RAB2B: variants seen among roughly 807,000 people sequenced by gnomAD.
RAB2B encodes the protein RAB2B, member RAS oncogene family.
In RAB2B, 20 loss-of-function variants were observed where a neutral mutation model predicts 29.8. That is an observed-to-expected ratio of 0.67 (90% CI 0.47 to 0.97). The LOEUF (loss-of-function observed/expected upper bound fraction) is 0.97. RAB2B is among the 50% of genes least tolerant of loss of function. The pLI, the probability that RAB2B is intolerant of heterozygous loss-of-function variation, is 0.00. For missense variants in RAB2B, 218 were observed against 272.0 expected (o/e 0.80, Z 1.40); for synonymous variants, 93 against 91.7 (o/e 1.01, Z -0.08).
intron 5 of RAB2B, among the ~76,000 whole-genome samples, chr14:21,467,016 C>T (rs1223963403): frequency 6.6e-6 from 1 of 152,054 alleles, no homozygotes; most frequent in South Asian, 2.1e-4. Context: ...AAGCAATTCT[C>T]CTGCCTCAAG....
At position 21,460,644 on chromosome 14, in the gene RAB2B, G is replaced by C. The variant is rs146485889; in HGVS notation, c.*552C>G. ...ATTTATTTATTTGAGACAGAGTTTT[G>C]CTCTTGTTGCCCAGGCTGCAGTGCA... On this transcript the variant is annotated 3_prime_UTR_variant, in exon 8 of 8. Coordinates refer to ENST00000397762, the MANE Select transcript of RAB2B (RefSeq NM_032846.4). 6.6e-6 allele frequency: 1 copy of C among 151,300 alleles called. No homozygotes were observed. The highest frequency in any genetic ancestry group is 1.4e-5 in the Non-Finnish European group (1 of 69,272). The allele number at this position is 151,300 out of a possible 1,614,324, so 9.4% of individuals were successfully genotyped here. A position where few individuals can be genotyped will look rare whatever the true frequency, so the allele number is the denominator to read the frequency against.
At chr14:21,470,630 A>G (rs1890786310) in intron 3 of RAB2B, among the ~76,000 whole-genome samples, 1 of 152,152 alleles carries the variant, frequency 6.6e-6, no homozygotes, top group Admixed American at 6.5e-5. Flanking sequence ...TTACAGTTTT[A>G]TATTTACTCC....
At chr14:21,466,554 T>C (rs1890691724) in intron 5 of RAB2B, among the ~76,000 whole-genome samples, 1 of 152,106 alleles carries the variant, frequency 6.6e-6, no homozygotes, top group Non-Finnish European at 1.5e-5. Context: ...AGTTCTCAAA[T>C]AGTACACTCT....
In RAB2B at chr14:21,476,902, C is replaced by T. The variant is rs745852696; in HGVS notation, c.-30G>A. 19 of 1,612,448 alleles carry T rather than the reference C, an allele frequency of 1.2e-5. No homozygotes were observed. Among genetic ancestry groups the T allele is most frequent in the East Asian group, 2.2e-5 (1 of 44,882 alleles). ...TCGCGTCCTCTGGGTTCCGGGTCCG[C>T]CCGACTTCTATAGCCACTTACCTCC... On this transcript the variant is annotated 5_prime_UTR_variant, in exon 1 of 8. Coordinates refer to ENST00000397762, the MANE Select transcript of RAB2B (RefSeq NM_032846.4).
chr14:21,476,432 T>A (rs1890968279), intron 2 of RAB2B, 96 bp downstream of exon 2: 1 of 1,465,382 alleles, frequency 6.8e-7, no homozygotes, highest in East Asian at 2.3e-5. Context: ...GAGGGGTAAC[T>A]TTTTACTTCG....
chr14:21,476,793 C>G, intron 1 of RAB2B, 34 bp downstream of exon 1: 1 of 1,612,342 alleles, frequency 6.2e-7, no homozygotes, highest in Non-Finnish European at 8.5e-7. Flanking sequence ...CGAATGCCCG[C>G]CCGAGCCTTG....
chr14:21,475,447 T>TC (rs1383477357), intron 2 of RAB2B, among the ~76,000 whole-genome samples: 3 of 150,956 alleles, frequency 2.0e-5, no homozygotes, highest in Non-Finnish European at 3.0e-5. Context: ...TTTTTTTTTT[T>TC]TGAGATGGAG....
At chr14:21,472,706 A>G (rs1479255457) in intron 3 of RAB2B, among the ~76,000 whole-genome samples, 3 of 152,136 alleles carry the variant, frequency 2.0e-5, no homozygotes, top group Admixed American at 6.6e-5. Flanking sequence ...ATTCTGTCCA[A>G]AGTCGTGGCT....
chr14:21,459,476 G>A lies in RAB2B; in HGVS notation c.*1720C>T, dbSNP rs1242694819. On this transcript the variant is annotated 3_prime_UTR_variant, in exon 8 of 8. Transcript: ENST00000397762. ...CAGTCAAATTCAATGAACACATAATGAGTAGCACTAGGCACTGTAAAGGAA... is the reference window on the plus strand; with the variant it reads ...CAGTCAAATTCAATGAACACATAATAAGTAGCACTAGGCACTGTAAAGGAA... The A allele has an allele frequency of 6.6e-6, 1 of 152,150 alleles. No homozygotes were observed. The highest frequency in any genetic ancestry group is 1.5e-5 in the Non-Finnish European group (1 of 68,018). The allele number at this position is 152,150 out of a possible 1,614,324, so 9.4% of individuals were successfully genotyped here.
intron 3 of RAB2B, among the ~76,000 whole-genome samples, chr14:21,471,130 G>T (rs906566664): frequency 3.3e-5 from 5 of 151,522 alleles, no homozygotes; most frequent in African/African-American, 1.2e-4. Flanking sequence ...CCAAGATGGC[G>T]CTATTGCACT....
At position 21,460,819 on chromosome 14, in the gene RAB2B, G is replaced by A. The variant is rs1171385902; in HGVS notation, c.*377C>T. ...GTTGAGATGGCATTTCTCCAAGTTG[G>A]TCAGGCTGGTCTCGAACTCTTGACC... On this transcript the variant is annotated 3_prime_UTR_variant, in exon 8 of 8. Coordinates refer to ENST00000397762, the MANE Select transcript of RAB2B (RefSeq NM_032846.4). The A allele has an allele frequency of 6.5e-6, 1 of 154,138 alleles. No homozygotes were observed. Among genetic ancestry groups the A allele is most frequent in the Admixed American group, 6.5e-5 (1 of 15,364 alleles). 9.5% of individuals were successfully genotyped at this position (154,138 alleles called of 1,614,324 possible).
rs201341091 is a variant in RAB2B, at chr14:21,476,799, C to T, written c.46+28G>A. On this transcript the variant is annotated intron_variant, in intron 1 of 7. Coordinates refer to ENST00000397762, the MANE Select transcript of RAB2B (RefSeq NM_032846.4). ...TGGGAGCTTCGAATGCCCGCCCGAG[C>T]CTTGAAGGCGAACCACCTGAGGGTT... 8 of 1,612,372 alleles carry T rather than the reference C, an allele frequency of 5.0e-6. No individual in the cohort carries two copies. The East Asian group carries it at 1.8e-4, about 36-fold the overall frequency.
chr14:21,474,641 ATTT>A lies in RAB2B; in HGVS notation c.186+223_186+225del, dbSNP rs562965093. On this transcript the variant is annotated intron_variant, in intron 3 of 7. Transcript: ENST00000397762. The stretch of plus-strand genomic sequence containing the variant: ...CTATTCTATAAATTTATATTGTTTG[ATTT>A]TATTTTTACTAGAATAAACTATTAC... 763 of 475,924 alleles carry A rather than the reference ATTT, an allele frequency of 1.6e-3. 3 individuals carry two copies. Among genetic ancestry groups the A allele is most frequent in the Admixed American group, 3.0e-3 (79 of 26,696 alleles). 29.5% of individuals were successfully genotyped at this position (475,924 alleles called of 1,614,324 possible). A position where few individuals can be genotyped will look rare whatever the true frequency, so the allele number is the denominator to read the frequency against.
chr14:21,467,143 C>T (rs1006377913), intron 5 of RAB2B, among the ~76,000 whole-genome samples: 4 of 151,410 alleles, frequency 2.6e-5, no homozygotes, highest in East Asian at 3.9e-4. Flanking sequence ...TCCTGACTTT[C>T]TAATCTACCC....
At chr14:21,473,125 A>G (rs1250272711) in intron 3 of RAB2B, among the ~76,000 whole-genome samples, 2 of 152,220 alleles carry the variant, frequency 1.3e-5, no homozygotes, top group Non-Finnish European at 2.9e-5. Flanking sequence ...CTTAAGCTTC[A>G]ACTACTTTTA....
At chr14:21,472,261 T>TAC (rs529908925) in intron 3 of RAB2B, among the ~76,000 whole-genome samples, 296 of 152,058 alleles carry the variant, frequency 1.9e-3, no homozygotes, top group South Asian at 5.6e-3. Context: ...AATACGTGTA[T>TAC]ACACACACAC....
intron 3 of RAB2B, among the ~76,000 whole-genome samples, chr14:21,473,784 G>A (rs995947024): frequency 3.3e-5 from 5 of 151,738 alleles, no homozygotes; most frequent in Non-Finnish European, 5.9e-5. Context: ...AGGCTGAGGC[G>A]GGCGGATCAC....
intron 5 of RAB2B, among the ~76,000 whole-genome samples, chr14:21,467,926 A>C (rs568601505): frequency 6.6e-6 from 1 of 152,372 alleles, no homozygotes; most frequent in African/African-American, 2.4e-5. Flanking sequence ...AACCTCGAAG[A>C]CATTATGCTA....
At position 21,468,730 on chromosome 14, in the gene RAB2B, G is replaced by A; in HGVS notation, c.209C>T (p.Ser70Phe). ...WDTAGQESFR[S>F]ITRSYYRGAA... ...TCCCCTGTAGTAGGAACGGGTGATA[G>A]AACGGAAGGATTCTTGCCCAGCCTT... Residue 70 changes from serine (S) to phenylalanine (F), a missense_variant, in exon 4 of 8, where the codon TCT (serine) becomes TTT (phenylalanine). Physicochemically the swap from Ser to Phe is radical, Grantham distance 155. Coordinates refer to ENST00000397762, the MANE Select transcript of RAB2B (RefSeq NM_032846.4). 1.3e-6 allele frequency: 2 copies of A among 1,556,674 alleles called. No individual in the cohort carries two copies. Among genetic ancestry groups the A allele is most frequent in the Non-Finnish European group, 1.7e-6 (2 of 1,153,306 alleles).
Sources: gnomAD v4.1 joint callset for allele counts (sites outside exome capture counted in the v4.1 genomes callset) on GRCh38, gnomAD v4.1.1 for gene constraint, MANE v1.5 for transcripts, NCBI Gene and HGNC (gene_info 2026-07-23, HGNC 2026-07-21) for gene names.